Variants in SCAMP1 observed in about 807,000 individuals in gnomAD.
SCAMP1 encodes the protein secretory carrier membrane protein 1.
SCAMP1 carries 15 observed loss-of-function variants against 41.8 expected under a neutral mutation model. The observed-to-expected ratio is 0.36, with a 90% CI of 0.24 to 0.55. The LOEUF (loss-of-function observed/expected upper bound fraction) is 0.55. Among genes scored for constraint, SCAMP1 ranks in the 20% least tolerant of loss-of-function variants. The pLI is 0.86. For missense variants in SCAMP1, 341 were observed against 412.6 expected, an observed-to-expected ratio of 0.83 and a Z score of 1.50; for synonymous variants, 135 against 136.8, an observed-to-expected ratio of 0.99 and a Z score of 0.09.
intron 8 of SCAMP1, among the ~76,000 whole-genome samples, chr5:78,469,640 G>A (rs1217744634): frequency 1.3e-5 from 2 of 151,732 alleles, no homozygotes; most frequent in African/African-American, 4.8e-5. Context: ...TATTTATAAT[G>A]CTGTTCATGT....
chr5:78,449,068 A>T (rs1753152082), intron 6 of SCAMP1, among the ~76,000 whole-genome samples: 1 of 152,046 alleles, frequency 6.6e-6, no homozygotes, highest in Non-Finnish European at 1.5e-5. Flanking sequence ...GCAGTTTCTT[A>T]AAAAGTTAAA....
intron 6 of SCAMP1, among the ~76,000 whole-genome samples, chr5:78,434,180 A>G (rs935018796): frequency 3.3e-5 from 5 of 152,172 alleles, no homozygotes; most frequent in African/African-American, 9.7e-5. Flanking sequence ...GATGATACCC[A>G]TGTAGCTTTG....
chr5:78,467,193 T>C (rs1465420103), intron 8 of SCAMP1, among the ~76,000 whole-genome samples: 1 of 152,124 alleles, frequency 6.6e-6, no homozygotes, highest in Non-Finnish European at 1.5e-5. Flanking sequence ...TTGAAGTAAA[T>C]GAAGCCTAGA....
At chr5:78,439,264 T>C (rs1308320939) in intron 6 of SCAMP1, among the ~76,000 whole-genome samples, 1 of 151,710 alleles carries the variant, frequency 6.6e-6, no homozygotes, top group East Asian at 1.9e-4. Flanking sequence ...ATTATGATGT[T>C]CGCTGGTTAT....
At chr5:78,415,378 T>C in intron 2 of SCAMP1, 142 bp from the exon 3 acceptor site, 1 of 602,062 alleles carries the variant, frequency 1.7e-6, no homozygotes, top group Non-Finnish European at 2.9e-6. Context: ...AGCAGCTCTT[T>C]GCCACACACT....
At chr5:78,370,602 GT>G (rs1406786879) in intron 1 of SCAMP1, 1 of 152,126 alleles carries the variant, frequency 6.6e-6, no homozygotes. Context: ...AGTTGTTTCT[GT>G]TTTTTGTCTA....
chr5:78,393,394 AC>A (rs1751567507), intron 2 of SCAMP1, among the ~76,000 whole-genome samples: 1 of 151,912 alleles, frequency 6.6e-6, no homozygotes. Flanking sequence ...CTGGTCTCAA[AC>A]TCCTGGCCTC....
At chr5:78,454,112 A>G (rs1580708566) in intron 7 of SCAMP1, among the ~76,000 whole-genome samples, 1 of 152,316 alleles carries the variant, frequency 6.6e-6, no homozygotes, top group East Asian at 1.9e-4. Flanking sequence ...TAGATATACA[A>G]TCATGTCGTC....
rs568085793 is a variant in SCAMP1, at chr5:78,465,069, G to A, written c.852+5707G>A. Among the ~76,000 whole-genome samples, 79 of 152,220 alleles carry A rather than the reference G, an allele frequency of 5.2e-4. 3 individuals carry two copies. The South Asian group carries it at 0.015, about 28-fold the overall frequency. Reference sequence around the variant, plus strand: ...TAGTATTCTTTCAAGACCCAGCTCCGATCTTGCTGTGTCTCCCAGAATGTT... The same window carrying A: ...TAGTATTCTTTCAAGACCCAGCTCCAATCTTGCTGTGTCTCCCAGAATGTT... On this transcript the variant is annotated intron_variant, in intron 8 of 8. Transcript: ENST00000621999.
At chr5:78,412,980 A>C (rs1752118083) in intron 2 of SCAMP1, among the ~76,000 whole-genome samples, 1 of 152,206 alleles carries the variant, frequency 6.6e-6, no homozygotes, top group African/African-American at 2.4e-5. Context: ...ATAGGTCATA[A>C]ACAAAATACA....
chr5:78,429,992 A>G (rs547084553), intron 6 of SCAMP1, among the ~76,000 whole-genome samples: 1 of 151,564 alleles, frequency 6.6e-6, no homozygotes, highest in Admixed American at 6.6e-5. Context: ...CAATGATTTT[A>G]GGTTAGACTA....
chr5:78,437,270 A>C (rs1385558117), intron 6 of SCAMP1, among the ~76,000 whole-genome samples: 2 of 152,202 alleles, frequency 1.3e-5, no homozygotes, highest in Non-Finnish European at 2.9e-5. Context: ...GTGGTGAGAG[A>C]GGGCATCCTT....
intron 1 of SCAMP1, among the ~76,000 whole-genome samples, chr5:78,363,155 G>C (rs1391588388): frequency 1.3e-5 from 2 of 151,668 alleles, no homozygotes; most frequent in Admixed American, 1.3e-4. Flanking sequence ...GTCTCCCAAA[G>C]TGCTGGGATT....
At chr5:78,406,382 A>G (rs113760165) in intron 2 of SCAMP1, among the ~76,000 whole-genome samples, 4,646 of 152,284 alleles carry the variant, frequency 0.031, 112 homozygotes, top group Non-Finnish European at 0.05. Flanking sequence ...TTTGGTTTAG[A>G]GATGGAAGAG....
intron 6 of SCAMP1, among the ~76,000 whole-genome samples, chr5:78,427,918 TTTG>T (rs777878278): frequency 3.9e-5 from 6 of 152,166 alleles, no homozygotes; most frequent in Admixed American, 1.3e-4. Flanking sequence ...TAAAATATAT[TTTG>T]TTGTAAGAGT....
chr5:78,449,922 T>C lies in SCAMP1; in HGVS notation c.633-11T>C, dbSNP rs1454533453. The C allele has an allele frequency of 2.7e-6, 4 of 1,457,404 alleles. No individual in the cohort carries two copies. Among genetic ancestry groups the C allele is most frequent in the Non-Finnish European group, 3.7e-6 (4 of 1,081,360 alleles). 90.3% of individuals were successfully genotyped at this position (1,457,404 alleles called of 1,614,324 possible). A position where few individuals can be genotyped will look rare whatever the true frequency, so the allele number is the denominator to read the frequency against. On this transcript the variant is annotated splice_polypyrimidine_tract_variant and intron_variant, in intron 6 of 8. Transcript: ENST00000621999. ...CCCCCTTTTTTCTTTCTTTCTTTTTTTTTTTCAAAGGAGTGACAGTTCATT... is the reference window on the plus strand; with the variant it reads ...CCCCCTTTTTTCTTTCTTTCTTTTTCTTTTTCAAAGGAGTGACAGTTCATT...
At position 78,416,742 on chromosome 5, in the gene SCAMP1, A is replaced by AC. The variant is rs112831580; in HGVS notation, c.343+96dup. On this transcript the variant is annotated intron_variant, in intron 4 of 8. Coordinates refer to ENST00000621999, the MANE Select transcript of SCAMP1 (RefSeq NM_004866.6). ...CTAGGTCATTTGGCCTGTGGATAAA[A>AC]CCCTACCCTGTTTTCCTGTTCTAAC... 5.8e-4 allele frequency: 514 copies of AC among 882,424 alleles called. 4 individuals are homozygous for AC. In the African/African-American group the frequency reaches 6.6e-3, roughly 11 times the overall value. The allele number at this position is 882,424 out of a possible 1,614,324, so 54.7% of individuals were successfully genotyped here.
chr5:78,418,731 TTATAA>T (rs776498145), intron 4 of SCAMP1, 39 bp from the exon 5 acceptor site: 17 of 1,223,104 alleles, frequency 1.4e-5, no homozygotes, highest in Admixed American at 1.2e-4. Context: ...ATCACATTTG[TTATAA>T]TATAAATAAC....
chr5:78,382,361 T>G (rs1751224288), intron 1 of SCAMP1, among the ~76,000 whole-genome samples: 1 of 152,214 alleles, frequency 6.6e-6, no homozygotes, highest in Non-Finnish European at 1.5e-5. Context: ...GTTGAGATAT[T>G]CATTATATGT....
Sources: gnomAD v4.1 joint callset for allele counts (sites outside exome capture counted in the v4.1 genomes callset) on GRCh38, gnomAD v4.1.1 for gene constraint, MANE v1.5 for transcripts, NCBI Gene and HGNC (gene_info 2026-07-23, HGNC 2026-07-21) for gene names.